Variants in KLHDC1 observed in about 807,000 individuals in gnomAD.
KLHDC1 encodes kelch domain-containing protein 1.
A neutral mutation model predicts 68.3 loss-of-function variants in KLHDC1; 53 were observed. The observed-to-expected ratio is 0.78, with a 90% CI of 0.62 to 0.98. The LOEUF (loss-of-function observed/expected upper bound fraction) is 0.98. KLHDC1 is among the 50% of genes least tolerant of loss of function. The pLI is 0.00. For synonymous variants in KLHDC1, 148 were observed against 159.0 expected (o/e 0.93, Z 0.52); for missense variants, 470 against 492.3 (o/e 0.95, Z 0.43).
chr14:49,732,323 C>T (rs1888830386), intron 8 of KLHDC1, among the ~76,000 whole-genome samples: 1 of 152,052 alleles, frequency 6.6e-6, no homozygotes, highest in Admixed American at 6.6e-5. Context: ...CAGGCGCATG[C>T]CACCAGGCCC....
At chr14:49,714,732 A>G (rs1454477928) in intron 4 of KLHDC1, among the ~76,000 whole-genome samples, 2 of 151,702 alleles carry the variant, frequency 1.3e-5, no homozygotes, top group South Asian at 2.1e-4. Flanking sequence ...ATACTCATGT[A>G]TAATATATTA....
chr14:49,717,951 A>G (rs1888422346), intron 4 of KLHDC1, among the ~76,000 whole-genome samples: 1 of 150,808 alleles, frequency 6.6e-6, no homozygotes, highest in African/African-American at 2.4e-5. Context: ...TGGTGCTTTC[A>G]TGGCTTACTG....
Position 49,693,233 on chromosome 14 carries a change from C to G in KLHDC1, c.39C>G (p.Arg13=). Reference sequence around the variant, plus strand: ...AGCTGTTCTGTGTGGCGGAGGAACGCAGCGGCCACTGCGCCGTGGTGGACG... The same window carrying G: ...AGCTGTTCTGTGTGGCGGAGGAACGGAGCGGCCACTGCGCCGTGGTGGACG... ...DSQLFCVAEE[R]SGHCAVVDGN... is the part of the protein sequence containing the mutation. Residue 13 remains arginine (R), a synonymous_variant, in exon 1 of 13, where the codon CGC becomes CGG. Coordinates refer to ENST00000359332, the MANE Select transcript of KLHDC1 (RefSeq NM_172193.3). 1.3e-6 allele frequency: 2 copies of G among 1,574,604 alleles called. No individual in the cohort carries two copies. Among genetic ancestry groups the G allele is most frequent in the South Asian group, 2.3e-5 (2 of 88,146 alleles).
intron 1 of KLHDC1, among the ~76,000 whole-genome samples, chr14:49,696,207 A>T (rs1462521912): frequency 1.4e-5 from 2 of 147,730 alleles, no homozygotes; most frequent in Admixed American, 6.8e-5. Flanking sequence ...TTTGAGACAG[A>T]GTTGCCCAGG....
intron 5 of KLHDC1, 151 bp downstream of exon 5, chr14:49,724,103 G>A: frequency 1.8e-6 from 1 of 565,038 alleles, no homozygotes; most frequent in Non-Finnish European, 3.1e-6. Flanking sequence ...TTTAACATTT[G>A]GATCCATTTG....
intron 1 of KLHDC1, among the ~76,000 whole-genome samples, chr14:49,693,742 C>CTTTTTTTTTTTTTT (rs1566589138): frequency 1.3e-4 from 8 of 60,972 alleles, no homozygotes; most frequent in East Asian, 1.5e-3. Context: ...ATTTTCTTTT[C>CTTTTTTTTTTTTTT]TTTTTCTTTT....
At chr14:49,738,313 A>G (rs940202928) in intron 10 of KLHDC1, among the ~76,000 whole-genome samples, 1 of 148,052 alleles carries the variant, frequency 6.8e-6, no homozygotes, top group African/African-American at 2.5e-5. Context: ...TGTTTTTTTC[A>G]TGTTCTCTTT....
intron 1 of KLHDC1, chr14:49,699,961 T>C: frequency 8.5e-6 from 2 of 234,178 alleles, no homozygotes; most frequent in South Asian, 3.8e-5. Flanking sequence ...ATGGTTTTCC[T>C]ATCATGGCCC....
At chr14:49,699,089 A>G (rs1278467854) in intron 1 of KLHDC1, among the ~76,000 whole-genome samples, 1 of 149,886 alleles carries the variant, frequency 6.7e-6, no homozygotes, top group Non-Finnish European at 1.5e-5. Flanking sequence ...GCTTGATCCC[A>G]GAAGGCGGAG....
chr14:49,703,178 G>A (rs1887954932), intron 1 of KLHDC1, among the ~76,000 whole-genome samples: 1 of 151,638 alleles, frequency 6.6e-6, no homozygotes, highest in African/African-American at 2.4e-5. Flanking sequence ...TTATTATGCA[G>A]GATAAAAGCT....
intron 4 of KLHDC1, among the ~76,000 whole-genome samples, chr14:49,716,366 G>A (rs572852720): frequency 1.4e-4 from 22 of 152,096 alleles, no homozygotes; most frequent in African/African-American, 4.6e-4. Flanking sequence ...AGAGTAGGAG[G>A]GAGACTTACC....
At chr14:49,729,674 C>A in intron 8 of KLHDC1, 126 bp downstream of exon 8, 1 of 627,436 alleles carries the variant, frequency 1.6e-6, no homozygotes, top group Non-Finnish European at 2.8e-6. Context: ...TATGTCTAAG[C>A]AAGGACTATA....
intron 1 of KLHDC1, among the ~76,000 whole-genome samples, chr14:49,694,196 G>T (rs1209974049): frequency 6.6e-6 from 1 of 152,132 alleles, no homozygotes; most frequent in South Asian, 2.1e-4. Flanking sequence ...AGGTTTGAGC[G>T]TATGTGTGTG....
chr14:49,716,627 G>A (rs8013739), intron 4 of KLHDC1, among the ~76,000 whole-genome samples: 34,817 of 151,888 alleles, frequency 0.23, 4,725 homozygotes, highest in Admixed American at 0.34. Flanking sequence ...CAGGTGATCC[G>A]CGCACCTCAG....
At chr14:49,725,157 A>G (rs1177200774) in intron 5 of KLHDC1, among the ~76,000 whole-genome samples, 3 of 152,216 alleles carry the variant, frequency 2.0e-5, no homozygotes, top group East Asian at 1.9e-4. Context: ...TAAATATGGT[A>G]TAGCTGCTAA....
Position 49,709,695 on chromosome 14 carries a change from T to C in KLHDC1, c.168-14T>C. 1 of 1,452,650 alleles carries C rather than the reference T, an allele frequency of 6.9e-7. No homozygotes were observed. Among genetic ancestry groups the C allele is most frequent in the Non-Finnish European group, 9.4e-7 (1 of 1,060,300 alleles). The allele number at this position is 1,452,650 out of a possible 1,614,324, so 90.0% of individuals were successfully genotyped here. A position where few individuals can be genotyped will look rare whatever the true frequency, so the allele number is the denominator to read the frequency against. On this transcript the variant is annotated splice_polypyrimidine_tract_variant and intron_variant, in intron 2 of 12. Transcript: ENST00000359332. ...TCTGGAAAGTTATGGGATTCCATGT[T>C]ATTCTTGCTGCAGGAGAATGCACCT... is the stretch of plus-strand genomic sequence containing the variant.
At chr14:49,724,827 A>AT (rs55789065) in intron 5 of KLHDC1, among the ~76,000 whole-genome samples, 34,062 of 137,582 alleles carry the variant, frequency 0.25, 4,320 homozygotes, top group Admixed American at 0.35. Flanking sequence ...CACAAATGGT[A>AT]TTTTTTTTTT....
At chr14:49,711,991 C>T (rs1031264075) in intron 4 of KLHDC1, among the ~76,000 whole-genome samples, 5 of 138,134 alleles carry the variant, frequency 3.6e-5, no homozygotes, top group African/African-American at 1.4e-4. Context: ...CATCTCGGCT[C>T]ACTGTAACCT....
At chr14:49,727,685 A>C (rs999341189) in intron 6 of KLHDC1, among the ~76,000 whole-genome samples, 1 of 152,126 alleles carries the variant, frequency 6.6e-6, no homozygotes. Flanking sequence ...GTAATAATAA[A>C]AATTTTGTTT....
Sources: allele counts gnomAD v4.1 joint callset (sites outside exome capture counted in the v4.1 genomes callset), GRCh38; gene constraint gnomAD v4.1.1; transcripts MANE v1.5; gene names NCBI Gene and HGNC (gene_info 2026-07-23, HGNC 2026-07-21).